The following CCBE1 variants were observed in gnomAD, a reference collection of about 807,000 sequenced individuals.
CCBE1 encodes collagen and calcium binding EGF domains 1.
Under a neutral mutation model 50.0 loss-of-function variants are expected in CCBE1, and 37 were observed. The observed-to-expected ratio is 0.74, with a 90% CI of 0.57 to 0.97. CCBE1 has a LOEUF of 0.97. CCBE1 is among the 50% of genes least tolerant of loss of function. CCBE1 has a pLI of 0.00. For synonymous variants in CCBE1, 234 were observed against 203.7 expected (o/e 1.15, Z -1.27); for missense variants, 538 against 523.8 (o/e 1.03, Z -0.26).
intron 2 of CCBE1, among the ~76,000 whole-genome samples, chr18:59,625,374 T>G (rs373716923): frequency 3.5e-4 from 49 of 140,964 alleles, no homozygotes; most frequent in African/African-American, 1.3e-3. Context: ...GAGCTTGCAG[T>G]GAGCCAAGAT....
chr18:59,488,309 A>T (rs1912920764), intron 2 of CCBE1, among the ~76,000 whole-genome samples: 1 of 152,228 alleles, frequency 6.6e-6, no homozygotes, highest in Non-Finnish European at 1.5e-5. Flanking sequence ...AATGCCCCTG[A>T]ATTTTACACC....
chr18:59,483,933 A>G (rs1912695106), intron 2 of CCBE1, among the ~76,000 whole-genome samples: 1 of 152,184 alleles, frequency 6.6e-6, no homozygotes, highest in African/African-American at 2.4e-5. Context: ...CATCCAATTT[A>G]CCAATATGAA....
At chr18:59,524,292 C>T (rs4245281) in intron 2 of CCBE1, among the ~76,000 whole-genome samples, 43,254 of 152,048 alleles carry the variant, frequency 0.28, 7,006 homozygotes, top group Non-Finnish European at 0.37. Flanking sequence ...TGCACTACAG[C>T]CTGGGTAACA....
chr18:59,600,651 C>T (rs2144558305), intron 2 of CCBE1, among the ~76,000 whole-genome samples: 1 of 152,224 alleles, frequency 6.6e-6, no homozygotes, highest in East Asian at 1.9e-4. Flanking sequence ...CTCCATGCCA[C>T]TAAATTTCCT....
chr18:59,447,349 G>C (rs1158533269), intron 7 of CCBE1, among the ~76,000 whole-genome samples: 1 of 152,192 alleles, frequency 6.6e-6, no homozygotes, highest in Non-Finnish European at 1.5e-5. Flanking sequence ...CACATGGACA[G>C]AAGGGAAATT....
In CCBE1 at chr18:59,480,447, C is replaced by A. The variant is rs12457023; in HGVS notation, c.213-209G>T. ...TTCTAATACCGGGATATTCTTTCTGCTACATAATATATGAAATCAACATTT... is the reference window on the plus strand; with the variant it reads ...TTCTAATACCGGGATATTCTTTCTGATACATAATATATGAAATCAACATTT... On this transcript the variant is annotated intron_variant, in intron 2 of 10. Coordinates refer to ENST00000439986, the MANE Select transcript of CCBE1 (RefSeq NM_133459.4). Among the ~76,000 whole-genome samples the A allele has an allele frequency of 0.062, 9,501 of 152,082 alleles. 818 individuals are homozygous for A. Among genetic ancestry groups the A allele is most frequent in the East Asian group, 0.33 (1,719 of 5,178 alleles).
chr18:59,555,961 A>G (rs1156489822), intron 2 of CCBE1, among the ~76,000 whole-genome samples: 1 of 152,204 alleles, frequency 6.6e-6, no homozygotes, highest in Non-Finnish European at 1.5e-5. Context: ...AAGCTGTGCT[A>G]TATGTAGCTT....
chr18:59,457,590 A>C (rs1268765186), intron 5 of CCBE1, among the ~76,000 whole-genome samples: 1 of 152,096 alleles, frequency 6.6e-6, no homozygotes, highest in Non-Finnish European at 1.5e-5. Context: ...GGCCCACCAA[A>C]CCCCTTAAAT....
At chr18:59,440,698 T>G (rs908624650) in intron 7 of CCBE1, among the ~76,000 whole-genome samples, 4 of 152,102 alleles carry the variant, frequency 2.6e-5, no homozygotes, top group Non-Finnish European at 5.9e-5. Context: ...TGGCTAAGAT[T>G]TGCCACAGGT....
chr18:59,604,489 A>G (rs1278927474), intron 2 of CCBE1, among the ~76,000 whole-genome samples: 1 of 152,200 alleles, frequency 6.6e-6, no homozygotes, highest in African/African-American at 2.4e-5. Flanking sequence ...AGTCCATGTT[A>G]CTGATCAGAT....
chr18:59,439,553 T>A lies in CCBE1; in HGVS notation c.941A>T (p.Asp314Val). ...ACTCATAAGGCTTACCTTAGAACCA[T>A]CTCTTCCTGGTGCCCCTGGTGGACC... ...PVGPPGAPGR[D>V]GSKGERGAPG... The change falls in exon 9 of 11, where the codon GAT (aspartate) becomes GTT (valine). Residue 314 changes from aspartate (D) to valine (V), a missense_variant. By Grantham distance (152) the Asp-to-Val change is radical. Coordinates refer to ENST00000439986, the MANE Select transcript of CCBE1 (RefSeq NM_133459.4). 1 of 1,614,222 alleles carries A rather than the reference T, an allele frequency of 6.2e-7. No individual in the cohort carries two copies. Among genetic ancestry groups the A allele is most frequent in the Non-Finnish European group, 8.5e-7 (1 of 1,180,022 alleles).
intron 2 of CCBE1, among the ~76,000 whole-genome samples, chr18:59,495,608 CTTTT>C (rs572061962): frequency 1.4e-5 from 2 of 138,342 alleles, no homozygotes; most frequent in East Asian, 4.1e-4. Flanking sequence ...GGGTGCTTGC[CTTTT>C]TTTTTTTTTT....
chr18:59,555,555 G>T (rs764451637), intron 2 of CCBE1, among the ~76,000 whole-genome samples: 84 of 152,302 alleles, frequency 5.5e-4, no homozygotes, highest in Admixed American at 1.3e-3. Flanking sequence ...GAAAAAAATG[G>T]TTATGGAGAT....
chr18:59,490,438 A>G (rs546463248), intron 2 of CCBE1, among the ~76,000 whole-genome samples: 4 of 145,442 alleles, frequency 2.8e-5, no homozygotes, highest in African/African-American at 1.0e-4. Flanking sequence ...GCATGAATTG[A>G]TTTTGTAAGA....
At chr18:59,452,796 T>C (rs376423757) in intron 6 of CCBE1, among the ~76,000 whole-genome samples, 18 of 152,180 alleles carry the variant, frequency 1.2e-4, no homozygotes, top group African/African-American at 4.3e-4. Context: ...TGCAAGACAT[T>C]CTAATAGGAA....
At position 59,431,842 on chromosome 18, in the gene CCBE1, G is replaced by A. The variant is rs1283860238; in HGVS notation, c.*4066C>T. On this transcript the variant is annotated 3_prime_UTR_variant, in exon 11 of 11. Coordinates refer to ENST00000439986, the MANE Select transcript of CCBE1 (RefSeq NM_133459.4). ...GGCATTAACTCAGAAGGTGAGAAAAGGCACCATTCTCTCTGCAGCCCCACT... is the reference window on the plus strand; with the variant it reads ...GGCATTAACTCAGAAGGTGAGAAAAAGCACCATTCTCTCTGCAGCCCCACT... The A allele has an allele frequency of 6.6e-6, 1 of 152,384 alleles. No homozygotes were observed. The highest frequency in any genetic ancestry group is 1.5e-5 in the Non-Finnish European group (1 of 68,078). 9.4% of individuals were successfully genotyped at this position (152,384 alleles called of 1,614,324 possible).
intron 7 of CCBE1, among the ~76,000 whole-genome samples, chr18:59,446,385 G>A (rs914227346): frequency 6.6e-6 from 1 of 152,198 alleles, no homozygotes; most frequent in Non-Finnish European, 1.5e-5. Context: ...ACTATGCTAG[G>A]AAGCAGTTTA....
intron 2 of CCBE1, among the ~76,000 whole-genome samples, chr18:59,633,336 A>C (rs945755288): frequency 1.3e-5 from 2 of 152,200 alleles, no homozygotes; most frequent in African/African-American, 4.8e-5. Flanking sequence ...CAGCTCTTAC[A>C]TTTCCTCTCT....
intron 2 of CCBE1, among the ~76,000 whole-genome samples, chr18:59,541,796 G>C (rs1288081548): frequency 6.6e-6 from 1 of 152,062 alleles, no homozygotes; most frequent in Non-Finnish European, 1.5e-5. Context: ...GGAGAAGACA[G>C]ATTAGCCTTC....
Sources: allele counts gnomAD v4.1 joint callset (sites outside exome capture counted in the v4.1 genomes callset), GRCh38; gene constraint gnomAD v4.1.1; transcripts MANE v1.5; gene names NCBI Gene and HGNC (gene_info 2026-07-23, HGNC 2026-07-21).